Variants in TCF7L2 observed in about 807,000 individuals in gnomAD.
The protein encoded by TCF7L2 is transcription factor 7-like 2.
Under a neutral mutation model 77.9 loss-of-function variants are expected in TCF7L2, and 23 were observed. The ratio of observed to expected loss-of-function variants is 0.30; its 90% CI spans 0.21 to 0.42. The LOEUF is 0.42. Among genes scored for constraint, TCF7L2 ranks in the 10% least tolerant of loss-of-function variants. The pLI is 1.00. For missense variants in TCF7L2, 654 were observed against 793.1 expected (o/e 0.82, Z 2.11); for synonymous variants, 413 against 340.2 (o/e 1.21, Z -2.36).
intron 5 of TCF7L2, among the ~76,000 whole-genome samples, chr10:113,092,505 C>T (rs566448292): frequency 1.1e-4 from 16 of 152,126 alleles, no homozygotes; most frequent in Admixed American, 3.3e-4. Flanking sequence ...ATGGGCCAGT[C>T]GCTGCTGGAG....
At chr10:113,008,514 C>T (rs148491818) in intron 4 of TCF7L2, among the ~76,000 whole-genome samples, 10 of 152,298 alleles carry the variant, frequency 6.6e-5, no homozygotes, top group East Asian at 5.8e-4. Context: ...ATCGCTATAA[C>T]GCCTTCATGG....
At chr10:112,965,554 T>C (rs1190809609) in intron 4 of TCF7L2, among the ~76,000 whole-genome samples, 1 of 152,080 alleles carries the variant, frequency 6.6e-6, no homozygotes, top group Non-Finnish European at 1.5e-5. Flanking sequence ...GTTGGTTTGT[T>C]AGATCATTTG....
At chr10:113,129,925 G>T (rs986860026) in intron 5 of TCF7L2, 29 of 1,294,882 alleles carry the variant, frequency 2.2e-5, no homozygotes, top group Non-Finnish European at 2.9e-5. Flanking sequence ...GGGAGGCGCA[G>T]TGGCCTCCGG....
intron 5 of TCF7L2, among the ~76,000 whole-genome samples, chr10:113,114,557 C>G (rs1339670830): frequency 6.6e-6 from 1 of 152,076 alleles, no homozygotes; most frequent in Non-Finnish European, 1.5e-5. Context: ...TGATGACAAT[C>G]TATCAGTCCA....
intron 5 of TCF7L2, among the ~76,000 whole-genome samples, chr10:113,052,761 T>C (rs912334544): frequency 1.3e-5 from 2 of 152,222 alleles, no homozygotes; most frequent in Non-Finnish European, 2.9e-5. Flanking sequence ...CTGTGAATGA[T>C]TGCAGCGGAT....
chr10:113,117,166 A>G (rs1256959842), intron 5 of TCF7L2, among the ~76,000 whole-genome samples: 1 of 152,210 alleles, frequency 6.6e-6, no homozygotes, highest in African/African-American at 2.4e-5. Flanking sequence ...GCTTGTCTTC[A>G]GGGGGAAACA....
rs2070661807 is a variant in TCF7L2, at chr10:113,151,142, C to G, written c.1001+19C>G. The G allele has an allele frequency of 1.2e-6, 2 of 1,613,966 alleles. No homozygotes were observed. Among genetic ancestry groups the G allele is most frequent in the African/African-American group, 2.7e-5 (2 of 74,904 alleles). ...ATAGTTCGTAAGTGTTGCTGTTTTT[C>G]TCACCTTCTTCGTAGCCGCAGTGTT... On this transcript the variant is annotated intron_variant, in intron 9 of 13. Coordinates refer to ENST00000627217, the MANE Select transcript of TCF7L2 (RefSeq NM_001146274.2). This position sits in a 1 kb window ranked among gnomAD's most constrained non-coding sequence, Gnocchi z 5.2.
chr10:112,992,919 G>A (rs1427176843), intron 4 of TCF7L2, among the ~76,000 whole-genome samples: 3 of 151,708 alleles, frequency 2.0e-5, no homozygotes, highest in African/African-American at 4.8e-5. Flanking sequence ...GCCTGACACC[G>A]CGCCTGGCTA....
chr10:113,102,111 CAAAAAAAAAAAAAAA>C (rs139047649), intron 5 of TCF7L2, among the ~76,000 whole-genome samples: 38 of 71,744 alleles, frequency 5.3e-4, no homozygotes, highest in Non-Finnish European at 7.9e-4. Context: ...GTGACTCCAT[CAAAAAAAAAAAAAAA>C]AAAAAAAAAA....
chr10:113,085,205 C>T (rs1485886254), intron 5 of TCF7L2, among the ~76,000 whole-genome samples: 1 of 151,372 alleles, frequency 6.6e-6, no homozygotes, highest in East Asian at 2.0e-4. Flanking sequence ...TAGCTACAGG[C>T]CTGCACCACC....
chr10:113,081,365 G>GT (rs1270433457), intron 5 of TCF7L2, among the ~76,000 whole-genome samples: 1 of 152,230 alleles, frequency 6.6e-6, no homozygotes, highest in Non-Finnish European at 1.5e-5. Context: ...AAGAATCTCA[G>GT]TATAAGCACA....
rs890956054 is a variant in TCF7L2, at chr10:113,166,043, C to G, written c.*71C>G. ...CTTTTCTTAATTTGCCCCCCACCCC[C>G]ACCTTGAAAGGTTTTGTTTTGTACT... is the stretch of plus-strand genomic sequence containing the variant. On this transcript the variant is annotated 3_prime_UTR_variant, in exon 14 of 14. Coordinates refer to ENST00000627217, the MANE Select transcript of TCF7L2 (RefSeq NM_001146274.2). 5 of 1,390,386 alleles carry G rather than the reference C, an allele frequency of 3.6e-6. No individual in the cohort carries two copies. In the South Asian group the frequency reaches 9.6e-5, roughly 27 times the overall value. 86.1% of individuals were successfully genotyped at this position (1,390,386 alleles called of 1,614,324 possible).
chr10:113,067,862 T>TTTGTTTTTGTTTG (rs2057452843), intron 5 of TCF7L2, among the ~76,000 whole-genome samples: 1 of 151,920 alleles, frequency 6.6e-6, no homozygotes, highest in African/African-American at 2.4e-5. Context: ...GTTTTGTTTG[T>TTTGTTTTTGTTTG]TTGTATTTTT....
Position 112,964,809 on chromosome 10 carries a change from TGG to T in TCF7L2, c.450+186_450+187del, listed in dbSNP as rs1398141511. The stretch of plus-strand genomic sequence containing the variant: ...GTGGTGGTGATGGTGGTGGTGGTGG[TGG>T]TGGGGGGGGGTTGAATCACTGGGGG... On this transcript the variant is annotated intron_variant, in intron 4 of 13. Transcript: ENST00000627217. Among the ~76,000 whole-genome samples the T allele has an allele frequency of 8.6e-3, 245 of 28,586 alleles. 5 individuals carry two copies. Among genetic ancestry groups the T allele is most frequent in the African/African-American group, 0.049 (235 of 4,844 alleles). The allele number at this position is 28,586 out of a possible 152,430, so 18.8% of individuals were successfully genotyped here.
In TCF7L2 at chr10:113,152,361, C is replaced by T. The variant is rs2137178620; in HGVS notation, c.1190C>T (p.Ala397Val). The T allele has an allele frequency of 6.2e-7, 1 of 1,614,202 alleles. No individual in the cohort carries two copies. The highest frequency in any genetic ancestry group is 8.5e-7 in the Non-Finnish European group (1 of 1,180,040). Residue 397 changes from alanine to valine, a missense_variant, in exon 11 of 14, where the codon GCG (alanine) becomes GTG (valine). Coordinates refer to ENST00000627217, the MANE Select transcript of TCF7L2 (RefSeq NM_001146274.2). The stretch of plus-strand genomic sequence containing the variant: ...CATGCACTGTCCAGAGAAGAGCAAG[C>T]GAAATACTACGAGCTGGCCCGGAAG...
At chr10:113,158,633 T>A (rs1486437305) in intron 12 of TCF7L2, 34 bp from the exon 13 acceptor site, 13 of 1,611,678 alleles carry the variant, frequency 8.1e-6, no homozygotes, top group Non-Finnish European at 1.0e-5. Flanking sequence ...ACAAAAATTT[T>A]GAAGGCTTTG....
rs763099647 is a variant in TCF7L2, at chr10:113,042,037, A to AC, written c.552+1916dup. 1.7e-4 allele frequency among the ~76,000 whole-genome samples: 26 copies of AC among 152,186 alleles called. 1 individual carries two copies. Among genetic ancestry groups the AC allele is most frequent in the Admixed American group, 2.0e-4 (3 of 15,274 alleles). ...TGTGGGCCCCATGCCAGGGAGCAGTACCCCCGTGTAAAGGAGTGGGGGTTT... is the reference window on the plus strand; with the variant it reads ...TGTGGGCCCCATGCCAGGGAGCAGTACCCCCCGTGTAAAGGAGTGGGGGTTT... On this transcript the variant is annotated intron_variant, in intron 5 of 13. Coordinates refer to ENST00000627217, the MANE Select transcript of TCF7L2 (RefSeq NM_001146274.2).
chr10:113,034,203 T>C (rs1161326479), intron 4 of TCF7L2, among the ~76,000 whole-genome samples: 1 of 152,244 alleles, frequency 6.6e-6, no homozygotes, highest in Non-Finnish European at 1.5e-5. Flanking sequence ...AAGTGTCCGC[T>C]ATTGGGTTGT....
At chr10:113,135,295 C>T (rs1371787846) in intron 5 of TCF7L2, among the ~76,000 whole-genome samples, 1 of 152,200 alleles carries the variant, frequency 6.6e-6, no homozygotes, top group Non-Finnish European at 1.5e-5. Flanking sequence ...CTCCCCCTCC[C>T]CATTCCCCCC....
Sources: gnomAD v4.1 joint callset for allele counts (sites outside exome capture counted in the v4.1 genomes callset) on GRCh38, gnomAD v4.1.1 for gene constraint, Gnocchi (gnomAD v3.1) non-coding constraint, MANE v1.5 for transcripts, NCBI Gene and HGNC (gene_info 2026-07-23, HGNC 2026-07-21) for gene names.